GRIK1: variants seen among roughly 807,000 people sequenced by gnomAD.
The protein encoded by GRIK1 is glutamate receptor ionotropic, kainate 1.
GRIK1 carries 69 observed loss-of-function variants against 105.7 expected under a neutral mutation model. The ratio of observed to expected loss-of-function variants is 0.65; its 90% CI spans 0.54 to 0.80. The LOEUF is 0.80. Ranked by LOEUF, GRIK1 falls within the 30% of genes least tolerant of loss-of-function variation. GRIK1 has a pLI of 0.00. For missense variants in GRIK1, 1,109 were observed against 1,167.3 expected, an observed-to-expected ratio of 0.95 and a Z score of 0.73; for synonymous variants, 438 against 431.3, an observed-to-expected ratio of 1.02 and a Z score of -0.19.
intron 1 of GRIK1, among the ~76,000 whole-genome samples, chr21:29,912,523 C>G (rs1159695195): frequency 1.3e-5 from 2 of 152,076 alleles, no homozygotes; most frequent in Admixed American, 6.6e-5. Context: ...CAAAATAAAC[C>G]TGTCTTTGAC....
chr21:29,560,454 TC>T (rs1307092980), intron 15 of GRIK1, among the ~76,000 whole-genome samples: 5 of 140,810 alleles, frequency 3.6e-5, no homozygotes, highest in Non-Finnish European at 4.6e-5. Context: ...TTTCTCCCTT[TC>T]TTTCCTTCCT....
At chr21:29,647,804 T>C (rs58423872) in intron 6 of GRIK1, among the ~76,000 whole-genome samples, 4,219 of 152,320 alleles carry the variant, frequency 0.028, 51 homozygotes, top group East Asian at 0.063. Flanking sequence ...GTTAATTCTG[T>C]CAATTACCAC....
At chr21:29,608,386 C>A (rs190139739) in intron 7 of GRIK1, among the ~76,000 whole-genome samples, 2 of 152,048 alleles carry the variant, frequency 1.3e-5, no homozygotes, top group East Asian at 3.9e-4. Flanking sequence ...TTATTTACCT[C>A]GGAGTATAAT....
Position 29,879,754 on chromosome 21 carries a change from A to G in GRIK1, c.118+59629T>C, listed in dbSNP as rs1163648221. Among the ~76,000 whole-genome samples, 3 of 152,174 alleles carry G rather than the reference A, an allele frequency of 2.0e-5. No individual in the cohort carries two copies. In the East Asian group the frequency reaches 5.8e-4, roughly 29 times the overall value. On this transcript the variant is annotated intron_variant, in intron 1 of 17. Transcript: ENST00000327783. ...TCTTTAAGGAGCTAGTTTATTAAAA[A>G]GAAAGAGGATAATAAGGCCAAGCAA...
At chr21:29,895,202 C>T (rs1569198051) in intron 1 of GRIK1, among the ~76,000 whole-genome samples, 2 of 152,122 alleles carry the variant, frequency 1.3e-5, no homozygotes, top group Non-Finnish European at 2.9e-5. Context: ...GTGGTCAACT[C>T]AGTGGATGAT....
intron 14 of GRIK1, among the ~76,000 whole-genome samples, chr21:29,563,949 G>A (rs2090547341): frequency 6.6e-6 from 1 of 152,074 alleles, no homozygotes; most frequent in African/African-American, 2.4e-5. Flanking sequence ...ATTTGGGGGA[G>A]GTGGATGTCT....
chr21:29,876,230 A>T (rs2146160855), intron 1 of GRIK1, among the ~76,000 whole-genome samples: 1 of 152,030 alleles, frequency 6.6e-6, no homozygotes, highest in East Asian at 1.9e-4. Flanking sequence ...TATTGTTAAT[A>T]ATACCTACCT....
chr21:29,596,717 C>G, intron 8 of GRIK1, 147 bp from the exon 9 acceptor site: 1 of 696,152 alleles, frequency 1.4e-6, no homozygotes, highest in Non-Finnish European at 2.6e-6. Context: ...CAATATAAAG[C>G]CTGACAATAG....
intron 1 of GRIK1, among the ~76,000 whole-genome samples, chr21:29,878,542 A>T (rs1164747002): frequency 6.6e-6 from 1 of 152,128 alleles, no homozygotes; most frequent in East Asian, 1.9e-4. Flanking sequence ...AAGCAACAGG[A>T]TTTAGCCACT....
chr21:29,883,702 A>T (rs1404442792), intron 1 of GRIK1, among the ~76,000 whole-genome samples: 2 of 152,026 alleles, frequency 1.3e-5, no homozygotes, highest in Non-Finnish European at 2.9e-5. Context: ...TGGGAATGGA[A>T]AGACTGGTTT....
chr21:29,552,262 A>C (rs565060349), intron 16 of GRIK1, among the ~76,000 whole-genome samples: 52 of 152,246 alleles, frequency 3.4e-4, no homozygotes, highest in African/African-American at 1.2e-3. Flanking sequence ...CCATTAAGAA[A>C]AGAATAAAGA....
At chr21:29,707,630 G>A (rs960676176) in intron 1 of GRIK1, among the ~76,000 whole-genome samples, 7 of 151,716 alleles carry the variant, frequency 4.6e-5, no homozygotes, top group African/African-American at 1.5e-4. Flanking sequence ...CGAGTAGTTG[G>A]GCCTACAGGC....
chr21:29,555,804 C>A (rs2090238582), intron 15 of GRIK1, among the ~76,000 whole-genome samples: 2 of 152,108 alleles, frequency 1.3e-5, no homozygotes, highest in African/African-American at 4.8e-5. Flanking sequence ...GAACTGAAGG[C>A]CATGCCAGAC....
intron 6 of GRIK1, among the ~76,000 whole-genome samples, chr21:29,650,233 G>GA (rs560057922): frequency 2.5e-3 from 375 of 152,114 alleles, no homozygotes; most frequent in South Asian, 0.013. Flanking sequence ...AGAAAAAGGG[G>GA]AAAAAAATCC....
intron 1 of GRIK1, among the ~76,000 whole-genome samples, chr21:29,772,652 C>T (rs889270900): frequency 6.6e-6 from 1 of 152,050 alleles, no homozygotes; most frequent in African/African-American, 2.4e-5. Context: ...TAAAATAGAG[C>T]ACTGTTTAAA....
chr21:29,745,091 A>G (rs1283745295), intron 1 of GRIK1, among the ~76,000 whole-genome samples: 1 of 152,010 alleles, frequency 6.6e-6, no homozygotes, highest in African/African-American at 2.4e-5. Context: ...ATTATAGAGG[A>G]CTGTGACATG....
intron 1 of GRIK1, among the ~76,000 whole-genome samples, chr21:29,851,859 C>T (rs1261952698): frequency 6.6e-6 from 1 of 152,210 alleles, no homozygotes; most frequent in Admixed American, 6.5e-5. Flanking sequence ...GTCTTCAATA[C>T]ATGTTGTTTA....
At chr21:29,825,789 A>G (rs982287090) in intron 1 of GRIK1, among the ~76,000 whole-genome samples, 1 of 152,242 alleles carries the variant, frequency 6.6e-6, no homozygotes. Context: ...TATCCTTTAC[A>G]TAATTTTTAA....
chr21:29,904,125 G>T (rs1325427755), intron 1 of GRIK1, among the ~76,000 whole-genome samples: 2 of 152,106 alleles, frequency 1.3e-5, no homozygotes, highest in Non-Finnish European at 2.9e-5. Context: ...GGCCTGTGGG[G>T]AATGGGATGC....
Sources: gnomAD v4.1 joint callset for allele counts (sites outside exome capture counted in the v4.1 genomes callset) on GRCh38, gnomAD v4.1.1 for gene constraint, MANE v1.5 for transcripts, NCBI Gene and HGNC (gene_info 2026-07-23, HGNC 2026-07-21) for gene names.